The following C4orf50 variants were observed in gnomAD, a reference collection of about 807,000 sequenced individuals.
The protein encoded by C4orf50 is uncharacterized protein C4orf50.
In C4orf50, 80 loss-of-function variants were observed where a neutral mutation model predicts 77.2. That is an observed-to-expected ratio of 1.04 (90% confidence interval 0.87 to 1.25). The LOEUF (loss-of-function observed/expected upper bound fraction) is 1.25. Among genes scored for constraint, C4orf50 ranks in the 50% most tolerant of loss-of-function variants. C4orf50 has a pLI of 0.00. For missense variants in C4orf50, 1,257 were observed against 1,152.9 expected (o/e 1.09, Z -1.31); for synonymous variants, 532 against 465.3 (o/e 1.14, Z -1.84).
intron 28 of C4orf50, among the ~76,000 whole-genome samples, chr4:5,981,916 G>A (rs774695845): frequency 3.3e-5 from 5 of 152,060 alleles, no homozygotes; most frequent in Admixed American, 6.5e-5. Context: ...CCTAGCAGGG[G>A]TAGGTAGGAG....
chr4:5,958,920 C>G lies in C4orf50; in HGVS notation c.*455G>C, dbSNP rs951402503. On this transcript the variant is annotated 3_prime_UTR_variant, in exon 34 of 34. Coordinates refer to ENST00000531445, the Ensembl canonical transcript of C4orf50. This position sits in a 1 kb window ranked among gnomAD's most constrained non-coding sequence, Gnocchi z 5.4. ...CCTGGACTCTCGACCTCAGCACTGG[C>G]GACCCTCGGGCTGTAATTCTTTGCT... The G allele has an allele frequency of 1.2e-5, 2 of 162,782 alleles. No homozygotes were observed. Among genetic ancestry groups the G allele is most frequent in the Non-Finnish European group, 2.7e-5 (2 of 73,856 alleles). 10.1% of individuals were successfully genotyped at this position (162,782 alleles called of 1,614,324 possible).
At chr4:5,957,566 G>A (rs1019149902) in exon 34 of C4orf50, 1 of 152,138 alleles carries the variant, frequency 6.6e-6, no homozygotes, top group African/African-American at 2.4e-5. Flanking sequence ...GGGTGGTAAC[G>A]GGGCCACAGG....
chr4:5,931,588 C>A (rs576049928), intron 7 of C4orf50, among the ~76,000 whole-genome samples: 4 of 152,120 alleles, frequency 2.6e-5, no homozygotes, highest in Admixed American at 6.5e-5. Flanking sequence ...CATGTTTCCA[C>A]GCTCCAAACA....
At chr4:5,993,983 G>A (rs141220393) in intron 26 of C4orf50, among the ~76,000 whole-genome samples, 177 of 152,330 alleles carry the variant, frequency 1.2e-3, no homozygotes, top group African/African-American at 4.0e-3. Context: ...CACCTGGGAA[G>A]TGGGGGGACA....
chr4:5,986,969 C>T (rs191389554), intron 28 of C4orf50, among the ~76,000 whole-genome samples: 1 of 152,268 alleles, frequency 6.6e-6, no homozygotes, highest in Admixed American at 6.5e-5. Flanking sequence ...CAGACTTCAT[C>T]TCAAAATGTG....
chr4:5,913,709 G>T (rs1008119868), intron 7 of C4orf50, among the ~76,000 whole-genome samples: 2 of 152,174 alleles, frequency 1.3e-5, no homozygotes, highest in African/African-American at 4.8e-5. Context: ...AAATAAGGCA[G>T]TAAATCGTCC....
intron 26 of C4orf50, among the ~76,000 whole-genome samples, chr4:5,993,858 A>T (rs1284999119): frequency 2.0e-5 from 1 of 49,818 alleles, no homozygotes; most frequent in Non-Finnish European, 3.8e-5. Context: ...AAAAATAAAT[A>T]AAAAAAAAAA....
At chr4:5,975,491 G>C (rs980868405) in intron 30 of C4orf50, among the ~76,000 whole-genome samples, 1 of 122,988 alleles carries the variant, frequency 8.1e-6, no homozygotes. Flanking sequence ...TCTTCTTTGC[G>C]GTTTTTTTGT....
chr4:6,003,817 T>G, intron 25 of C4orf50, among the ~76,000 whole-genome samples: 1 of 140,312 alleles, frequency 7.1e-6, no homozygotes, highest in Non-Finnish European at 1.5e-5. Flanking sequence ...ATGATGGTGA[T>G]GATGGTGATG....
intron 31 of C4orf50, among the ~76,000 whole-genome samples, chr4:5,971,328 G>A (rs1035250050): frequency 3.9e-5 from 6 of 152,320 alleles, no homozygotes; most frequent in African/African-American, 1.4e-4. Flanking sequence ...CCAGCGCCAC[G>A]CCCACCCTGC....
chr4:5,926,733 A>G (rs1717532058), intron 7 of C4orf50, among the ~76,000 whole-genome samples: 1 of 152,090 alleles, frequency 6.6e-6, no homozygotes, highest in South Asian at 2.1e-4. Context: ...GAAATAAACC[A>G]GGCTGTAAGT....
At chr4:5,983,325 G>C (rs896265319) in intron 28 of C4orf50, among the ~76,000 whole-genome samples, 1 of 152,196 alleles carries the variant, frequency 6.6e-6, no homozygotes, top group Non-Finnish European at 1.5e-5. Flanking sequence ...TCTGCAACCT[G>C]CCTTGTGACA....
chr4:5,979,882 C>A (rs1025634518), intron 29 of C4orf50, among the ~76,000 whole-genome samples: 3 of 152,256 alleles, frequency 2.0e-5, no homozygotes, highest in Middle Eastern at 3.2e-3. Flanking sequence ...ACGCCTACTT[C>A]CCTCTGACAG....
At chr4:5,953,538 C>T (rs1298856032), downstream of C4orf50, among the ~76,000 whole-genome samples, 2 of 152,192 alleles carry the variant, frequency 1.3e-5, no homozygotes, top group Non-Finnish European at 2.9e-5. Context: ...AGGTAGGACT[C>T]AGTGACAGCA....
intron 25 of C4orf50, among the ~76,000 whole-genome samples, chr4:5,999,921 T>C (rs1721756146): frequency 6.6e-6 from 1 of 152,176 alleles, no homozygotes; most frequent in African/African-American, 2.4e-5. Flanking sequence ...CAGAAGAGCC[T>C]GGCACACTCA....
intron 7 of C4orf50, among the ~76,000 whole-genome samples, chr4:5,927,703 T>C (rs11732288): frequency 0.91 from 138,963 of 152,138 alleles, 63,545 homozygotes; most frequent in Middle Eastern, 0.96. Flanking sequence ...CCTTCTGCCA[T>C]GATTGTAAGT....
intron 7 of C4orf50, chr4:5,898,707 C>A (rs1032996321): frequency 1.7e-4 from 26 of 152,180 alleles, no homozygotes; most frequent in African/African-American, 6.3e-4. Flanking sequence ...AATACTGACT[C>A]AAAGTTAGTA....
At chr4:5,986,191 G>T (rs1347894878) in intron 28 of C4orf50, among the ~76,000 whole-genome samples, 1 of 152,118 alleles carries the variant, frequency 6.6e-6, no homozygotes, top group East Asian at 1.9e-4. Flanking sequence ...ATCAAACAAT[G>T]TTCATTCTTT....
At chr4:5,962,624 G>A (rs1577936666) in intron 33 of C4orf50, among the ~76,000 whole-genome samples, 1 of 152,314 alleles carries the variant, frequency 6.6e-6, no homozygotes, top group East Asian at 1.9e-4. Context: ...ATAATGATCA[G>A]AGGGCCAGCT....
Sources: gnomAD v4.1 joint callset for allele counts (sites outside exome capture counted in the v4.1 genomes callset) on GRCh38, gnomAD v4.1.1 for gene constraint, Gnocchi (gnomAD v3.1) non-coding constraint, MANE v1.5 for transcripts, NCBI Gene and HGNC (gene_info 2026-07-23, HGNC 2026-07-21) for gene names.